DYM: variants seen among roughly 807,000 people sequenced by gnomAD.
The protein encoded by DYM is dyggve-Melchior-Clausen syndrome protein.
Under a neutral mutation model 93.1 loss-of-function variants are expected in DYM, and 78 were observed. The observed-to-expected ratio is 0.84, with a 90% CI of 0.70 to 1.01. DYM has a LOEUF of 1.01. DYM is among the 50% of genes least tolerant of loss of function. The probability of loss-of-function intolerance (pLI) is 0.00; values close to 1 mark genes in which losing one functional copy is unlikely to be tolerated. For synonymous variants in DYM, 321 were observed against 319.7 expected, an observed-to-expected ratio of 1.00 and a Z score of -0.04; for missense variants, 789 against 845.0, an observed-to-expected ratio of 0.93 and a Z score of 0.82.
intron 5 of DYM, among the ~76,000 whole-genome samples, chr18:49,365,683 T>C (rs975586551): frequency 2.0e-5 from 3 of 152,128 alleles, no homozygotes; most frequent in Non-Finnish European, 4.4e-5. Context: ...AAGAAACATT[T>C]CAGACCAAAT....
intron 17 of DYM, among the ~76,000 whole-genome samples, chr18:49,080,785 GGGGCGGATGCC>G (rs1568387794): frequency 2.0e-5 from 3 of 149,994 alleles, no homozygotes; most frequent in African/African-American, 4.9e-5. Context: ...CTTCTCAGAC[GGGGCGGATGCC>G]GGGCGGAGGG....
chr18:49,206,878 G>A (rs940260620), intron 14 of DYM, among the ~76,000 whole-genome samples: 2 of 152,196 alleles, frequency 1.3e-5, no homozygotes, highest in Admixed American at 6.5e-5. Context: ...GAAGGAGGGG[G>A]TTCCAGGAAA....
At chr18:49,362,748 G>A (rs1046202114) in intron 6 of DYM, among the ~76,000 whole-genome samples, 1 of 152,102 alleles carries the variant, frequency 6.6e-6, no homozygotes, top group Middle Eastern at 3.2e-3. Context: ...AAAGAAGGCT[G>A]GAAACGAAAA....
At chr18:49,415,080 G>C (rs563197377) in intron 2 of DYM, among the ~76,000 whole-genome samples, 3 of 151,680 alleles carry the variant, frequency 2.0e-5, no homozygotes, top group Admixed American at 6.6e-5. Flanking sequence ...TGTTTCCAGG[G>C]CTCAAGCGAT....
chr18:49,277,543 C>G (rs1282012278), intron 10 of DYM, among the ~76,000 whole-genome samples: 4 of 152,026 alleles, frequency 2.6e-5, no homozygotes, highest in Non-Finnish European at 1.5e-5. Context: ...GAGGTGGGGC[C>G]CTTGGGAGGA....
intron 8 of DYM, among the ~76,000 whole-genome samples, chr18:49,289,404 T>TAAAAAAAAAAAAAAAAAAAAAAAAAA (rs56240607): frequency 6.0e-5 from 2 of 33,506 alleles, no homozygotes; most frequent in African/African-American, 2.4e-4. Flanking sequence ...TACAAATCAG[T>TAAAAAAAAAAAAAAAAAAAAAAAAAA]AAAAAAAAAA....
At chr18:49,287,764 G>C (rs975307544) in intron 8 of DYM, among the ~76,000 whole-genome samples, 1 of 139,180 alleles carries the variant, frequency 7.2e-6, no homozygotes, top group African/African-American at 2.7e-5. Flanking sequence ...AGAATTGCTT[G>C]AACCCAGGAA....
intron 14 of DYM, among the ~76,000 whole-genome samples, chr18:49,187,528 G>T (rs2090565938): frequency 6.6e-6 from 1 of 152,096 alleles, no homozygotes; most frequent in Admixed American, 6.5e-5. Context: ...TTAATTCTAG[G>T]TAACACTGAT....
chr18:49,074,707 G>A (rs139106276), intron 17 of DYM, among the ~76,000 whole-genome samples: 269 of 152,296 alleles, frequency 1.8e-3, no homozygotes, highest in African/African-American at 5.9e-3. Context: ...AGCTACAAAT[G>A]ACTACCGAGT....
chr18:49,202,979 GC>G (rs1344549082), intron 14 of DYM, among the ~76,000 whole-genome samples: 1 of 100,738 alleles, frequency 9.9e-6, no homozygotes, highest in East Asian at 3.3e-4. Flanking sequence ...CGCCCGGCCA[GC>G]CGTGCCATCC....
intron 17 of DYM, among the ~76,000 whole-genome samples, chr18:49,066,798 C>T (rs958172429): frequency 2.0e-5 from 3 of 152,220 alleles, no homozygotes; most frequent in Admixed American, 2.0e-4. Flanking sequence ...ATCAAACCTT[C>T]CCTGGATATT....
At chr18:49,305,407 C>CA (rs1327976935) in intron 8 of DYM, among the ~76,000 whole-genome samples, 2 of 152,164 alleles carry the variant, frequency 1.3e-5, no homozygotes, top group East Asian at 3.9e-4. Context: ...CCTGGGGAAA[C>CA]CTATTGTTCT....
At chr18:49,083,974 TTTCTC>T (rs2078275305) in intron 17 of DYM, among the ~76,000 whole-genome samples, 1 of 152,158 alleles carries the variant, frequency 6.6e-6, no homozygotes, top group Non-Finnish European at 1.5e-5. Flanking sequence ...TATCTATTGT[TTTCTC>T]TTCATTGATT....
intron 8 of DYM, among the ~76,000 whole-genome samples, chr18:49,289,725 G>GTATA (rs2059918213): frequency 7.3e-4 from 10 of 13,742 alleles, no homozygotes; most frequent in African/African-American, 1.1e-3. Context: ...ATATATATAT[G>GTATA]TGTATATATA....
Position 49,038,411 on chromosome 18 carries a change from T to C in DYM, c.*5644A>G, listed in dbSNP as rs1021169603. Among the ~76,000 whole-genome samples, 5 of 152,322 alleles carry C rather than the reference T, an allele frequency of 3.3e-5. No homozygotes were observed. The East Asian group carries it at 5.8e-4, about 18-fold the overall frequency. On this transcript the variant is annotated 3_prime_UTR_variant, in exon 18 of 18. Transcript: ENST00000675505. The stretch of plus-strand genomic sequence containing the variant: ...TAAATTTAGATTATCTTTCTAGTAA[T>C]TGAATTGACCCTTTTATTTCTTAAA...
chr18:49,136,955 T>C (rs1331156109), intron 15 of DYM, among the ~76,000 whole-genome samples: 1 of 152,154 alleles, frequency 6.6e-6, no homozygotes, highest in Non-Finnish European at 1.5e-5. Context: ...ATGAATACAC[T>C]ATAACAAGAA....
intron 16 of DYM, among the ~76,000 whole-genome samples, chr18:49,108,877 C>A (rs983629319): frequency 3.9e-5 from 6 of 152,170 alleles, no homozygotes; most frequent in Non-Finnish European, 7.3e-5. Flanking sequence ...TTATTTCATG[C>A]ATTTCGAAGC....
intron 11 of DYM, among the ~76,000 whole-genome samples, chr18:49,265,639 G>A (rs2094557216): frequency 6.6e-6 from 1 of 151,922 alleles, no homozygotes; most frequent in Non-Finnish European, 1.5e-5. Flanking sequence ...TTAGCCGGGT[G>A]TGGTGGCGGG....
intron 8 of DYM, among the ~76,000 whole-genome samples, chr18:49,311,411 G>C (rs1438018692): frequency 6.6e-6 from 1 of 152,184 alleles, no homozygotes; most frequent in Non-Finnish European, 1.5e-5. Context: ...AGGTAGGTCT[G>C]TAAGAATTCA....
Sources: allele counts gnomAD v4.1 joint callset (sites outside exome capture counted in the v4.1 genomes callset), GRCh38; gene constraint gnomAD v4.1.1; transcripts MANE v1.5; gene names NCBI Gene and HGNC (gene_info 2026-07-23, HGNC 2026-07-21).